Variants in CGAS observed in about 807,000 individuals in gnomAD.
CGAS encodes the protein 2'3'-cGAMP synthase.
A neutral mutation model predicts 34.0 loss-of-function variants in CGAS; 31 were observed. The observed-to-expected ratio is 0.91, with a 90% CI of 0.69 to 1.23. The LOEUF (loss-of-function observed/expected upper bound fraction) is 1.23. Ranked by LOEUF, CGAS falls within the 50% of genes most tolerant of loss-of-function variation. The pLI is 0.00. For synonymous variants in CGAS, 266 were observed against 260.0 expected (o/e 1.02, Z -0.22); for missense variants, 597 against 657.6 (o/e 0.91, Z 1.01).
chr6:73,445,518 A>G lies in CGAS; in HGVS notation c.877+10T>C, dbSNP rs767919064. 3.0e-5 allele frequency: 47 copies of G among 1,580,164 alleles called. No homozygotes were observed. The Admixed American group carries it at 5.4e-4, about 18-fold the overall frequency. On this transcript the variant is annotated intron_variant, in intron 2 of 4. Coordinates refer to ENST00000370315, the MANE Select transcript of CGAS (RefSeq NM_138441.3). ...TTAAACCTTTAAGAATCAAAAGGCA[A>G]AAGTCTTACCTTTAATGTCGTTAAT...
Position 73,451,741 on chromosome 6 carries a change from C to A in CGAS, c.441G>T (p.Pro147=), listed in dbSNP as rs917474102. 1 of 1,611,552 alleles carries A rather than the reference C, an allele frequency of 6.2e-7. No individual in the cohort carries two copies. The highest frequency in any genetic ancestry group is 8.5e-7 in the Non-Finnish European group (1 of 1,179,152). The change falls in exon 1 of 5, where the codon CCG becomes CCT. Residue 147 remains proline, a synonymous_variant. Coordinates refer to ENST00000370315, the MANE Select transcript of CGAS (RefSeq NM_138441.3). ...GPWDVPSPGL[P]VSAPILVRRD... ...TCCGTACGAGAATGGGGGCCGAGAC[C>A]GGCAGGCCGGGGCTGGGCACGTCCC...
At chr6:73,426,315 A>G (rs1582647866) in intron 4 of CGAS, among the ~76,000 whole-genome samples, 7 of 142,304 alleles carry the variant, frequency 4.9e-5, no homozygotes, top group African/African-American at 7.9e-5. Flanking sequence ...ATAAAATAAT[A>G]AAATAAAATG....
intron 4 of CGAS, among the ~76,000 whole-genome samples, chr6:73,428,500 T>C (rs1184896211): frequency 6.6e-6 from 1 of 152,086 alleles, no homozygotes; most frequent in African/African-American, 2.4e-5. Flanking sequence ...GAACTACTAT[T>C]CCCCGGCCTT....
At chr6:73,448,153 A>G (rs1452399838) in intron 1 of CGAS, among the ~76,000 whole-genome samples, 2 of 152,180 alleles carry the variant, frequency 1.3e-5, no homozygotes, top group African/African-American at 4.8e-5. Flanking sequence ...GTACTTTGGG[A>G]GGCTGAGACG....
rs373857771 is a variant in CGAS at position 73,451,049 on chromosome 6, GA to G, written c.657+475del. Among the ~76,000 whole-genome samples the G allele has an allele frequency of 4.4e-3, 674 of 152,054 alleles. 6 individuals carry two copies. The highest frequency in any genetic ancestry group is 7.3e-3 in the Non-Finnish European group (496 of 67,970). On this transcript the variant is annotated intron_variant, in intron 1 of 4. Coordinates refer to ENST00000370315, the MANE Select transcript of CGAS (RefSeq NM_138441.3). ...AAAAAAAGAAATTGGGGTCAGACGG[GA>G]TAGCAGGAGAGGGGGCAGGGAGGAA...
chr6:73,433,478 T>C (rs913171420), intron 3 of CGAS, among the ~76,000 whole-genome samples: 3 of 150,848 alleles, frequency 2.0e-5, no homozygotes, highest in African/African-American at 4.9e-5. Flanking sequence ...AAAACTTTTA[T>C]AGAGAGTTTT....
chr6:73,450,989 C>CAAA (rs386407555), intron 1 of CGAS, among the ~76,000 whole-genome samples: 2 of 75,860 alleles, frequency 2.6e-5, no homozygotes, highest in East Asian at 2.7e-4. Context: ...GACTCCGCCT[C>CAAA]AAAAAAAAAA....
At chr6:73,431,186 T>G (rs979942559) in intron 3 of CGAS, among the ~76,000 whole-genome samples, 2 of 151,690 alleles carry the variant, frequency 1.3e-5, no homozygotes, top group African/African-American at 4.8e-5. Flanking sequence ...GAAATATGGA[T>G]GAGGCCAGGC....
At chr6:73,435,431 A>T (rs890099940) in intron 3 of CGAS, among the ~76,000 whole-genome samples, 3 of 152,204 alleles carry the variant, frequency 2.0e-5, no homozygotes, top group South Asian at 2.1e-4. Flanking sequence ...AATGATGCCT[A>T]TGGAGATCTG....
chr6:73,440,554 A>C, intron 2 of CGAS, 109 bp from the exon 3 acceptor site: 1 of 980,742 alleles, frequency 1.0e-6, no homozygotes. Context: ...GCTAAGTATG[A>C]AGTAAACATT....
At chr6:73,451,341 C>T (rs1378924983) in intron 1 of CGAS, among the ~76,000 whole-genome samples, 184 bp downstream of exon 1, 1 of 152,170 alleles carries the variant, frequency 6.6e-6, no homozygotes, top group East Asian at 1.9e-4. Context: ...GTTGTCTGAT[C>T]GTTGGATGTG....
At chr6:73,430,979 G>A (rs1237176055) in intron 3 of CGAS, among the ~76,000 whole-genome samples, 2 of 151,752 alleles carry the variant, frequency 1.3e-5, no homozygotes, top group Admixed American at 6.6e-5. Flanking sequence ...GCACACAGTT[G>A]TAATCCCAGC....
At chr6:73,426,349 G>GATAAAATAAA (rs146402507) in intron 4 of CGAS, among the ~76,000 whole-genome samples, 1,781 of 148,886 alleles carry the variant, frequency 0.012, 35 homozygotes, top group East Asian at 0.066. Context: ...GAAATGAAAT[G>GATAAAATAAA]ATAAAATAAA....
chr6:73,427,278 CTTTATTTATTTATTTATTTA>C (rs10628387), intron 4 of CGAS, among the ~76,000 whole-genome samples: 1 of 143,514 alleles, frequency 7.0e-6, no homozygotes, highest in Non-Finnish European at 1.5e-5. Context: ...GGCCAACTTA[CTTTATTTATTTATTTATTTA>C]TTTATTTATT....
chr6:73,434,955 C>T (rs1022558006), intron 3 of CGAS, among the ~76,000 whole-genome samples: 3 of 151,896 alleles, frequency 2.0e-5, no homozygotes, highest in Non-Finnish European at 2.9e-5. Flanking sequence ...GCAGATATAG[C>T]CCTTAGCTAA....
intron 1 of CGAS, among the ~76,000 whole-genome samples, chr6:73,451,207 C>T (rs150977449): frequency 2.4e-3 from 361 of 152,142 alleles, no homozygotes; most frequent in Middle Eastern, 0.014. Flanking sequence ...GACCTCAGGT[C>T]CACACCATCA....
chr6:73,440,150 GAACATAT>G, intron 3 of CGAS, 52 bp downstream of exon 3: 1 of 1,463,378 alleles, frequency 6.8e-7, no homozygotes, highest in Non-Finnish European at 9.3e-7. Context: ...TTTACTGCCT[GAACATAT>G]AACATTAACA....
At chr6:73,439,231 T>A (rs1770332882) in intron 3 of CGAS, among the ~76,000 whole-genome samples, 1 of 151,938 alleles carries the variant, frequency 6.6e-6, no homozygotes, top group South Asian at 2.1e-4. Context: ...ACTTTCTTTT[T>A]TTTTTTAGAC....
Position 73,446,400 on chromosome 6 carries a change from G to C in CGAS, c.658-653C>G, listed in dbSNP as rs1273589297. On this transcript the variant is annotated intron_variant, in intron 1 of 4. Transcript: ENST00000370315. Reference sequence around the variant, plus strand: ...TCAAGGTTCATGTTTTTCCTACATAGATATCCAATTGACCCAGCATTATTT... The same window carrying C: ...TCAAGGTTCATGTTTTTCCTACATACATATCCAATTGACCCAGCATTATTT... 1.0e-4 allele frequency among the ~76,000 whole-genome samples: 15 copies of C among 147,598 alleles called. 1 individual carries two copies. The highest frequency in any genetic ancestry group is 2.1e-4 in the Non-Finnish European group (14 of 67,284).
Sources: gnomAD v4.1 joint callset for allele counts (sites outside exome capture counted in the v4.1 genomes callset) on GRCh38, gnomAD v4.1.1 for gene constraint, MANE v1.5 for transcripts, NCBI Gene and HGNC (gene_info 2026-07-23, HGNC 2026-07-21) for gene names.